Variants in ANO4 observed in about 807,000 individuals in gnomAD.
ANO4 encodes anoctamin-4.
Under a neutral mutation model 141.9 loss-of-function variants are expected in ANO4, and 69 were observed. The ratio of observed to expected loss-of-function variants is 0.49; its 90% CI spans 0.40 to 0.59. The LOEUF (loss-of-function observed/expected upper bound fraction) is 0.59. Among genes scored for constraint, ANO4 ranks in the 20% least tolerant of loss-of-function variants. ANO4 has a pLI of 0.00. For synonymous variants in ANO4, 350 were observed against 394.3 expected (o/e 0.89, Z 1.33); for missense variants, 894 against 1,162.2 (o/e 0.77, Z 3.36).
Position 100,974,775 on chromosome 12 carries a change from C to G in ANO4, c.558-70C>G, listed in dbSNP as rs761017640. 2.0e-6 allele frequency: 3 copies of G among 1,522,854 alleles called. No homozygotes were observed. In the South Asian group the frequency reaches 3.4e-5, roughly 17 times the overall value. 94.3% of individuals were successfully genotyped at this position (1,522,854 alleles called of 1,614,324 possible). ...TTCTATCTTCAATCTCCTTTCCTTCCTTGCTAGTTCAAACTGTAACTGACG... is the reference window on the plus strand; with the variant it reads ...TTCTATCTTCAATCTCCTTTCCTTCGTTGCTAGTTCAAACTGTAACTGACG... On this transcript the variant is annotated intron_variant, in intron 6 of 27. Coordinates refer to ENST00000392977, the MANE Select transcript of ANO4 (RefSeq NM_001286615.2).
chr12:100,792,095 A>G (rs1162169347), upstream of ANO4, among the ~76,000 whole-genome samples: 3 of 147,062 alleles, frequency 2.0e-5, no homozygotes, highest in Non-Finnish European at 4.5e-5. Context: ...GAAAATAGTC[A>G]TATTTTCACT....
At chr12:101,071,086 C>A (rs1322853858) in intron 14 of ANO4, among the ~76,000 whole-genome samples, 1 of 152,136 alleles carries the variant, frequency 6.6e-6, no homozygotes, top group Non-Finnish European at 1.5e-5. Context: ...TAAATTAGTA[C>A]AACCACTATG....
chr12:101,028,258 A>G (rs988929978), intron 9 of ANO4, among the ~76,000 whole-genome samples: 3 of 152,202 alleles, frequency 2.0e-5, no homozygotes, highest in African/African-American at 7.2e-5. Flanking sequence ...ACCCAAAAGG[A>G]CAGAGTTTCT....
intron 1 of ANO4, among the ~76,000 whole-genome samples, chr12:100,796,245 A>G (rs1038194171): frequency 5.3e-5 from 8 of 152,148 alleles, no homozygotes; most frequent in Non-Finnish European, 1.2e-4. Context: ...TCTGATTCAT[A>G]AGGTACTGAA....
chr12:100,747,055 G>A (rs1007096670), intron 3 of ANO4, among the ~76,000 whole-genome samples: 11 of 152,056 alleles, frequency 7.2e-5, no homozygotes, highest in African/African-American at 2.7e-4. Flanking sequence ...AGCATCCCTG[G>A]CCTGCACCCA....
At chr12:101,077,286 T>C (rs986591812) in intron 14 of ANO4, among the ~76,000 whole-genome samples, 2 of 152,182 alleles carry the variant, frequency 1.3e-5, no homozygotes, top group African/African-American at 4.8e-5. Flanking sequence ...CTTGGAAGCT[T>C]GTCCTGTTTC....
chr12:100,795,754 T>G (rs1366313977), intron 1 of ANO4, among the ~76,000 whole-genome samples: 1 of 152,220 alleles, frequency 6.6e-6, no homozygotes, highest in Non-Finnish European at 1.5e-5. Context: ...AGTTTTGTCC[T>G]CCTGCTAGGA....
At chr12:100,870,380 A>T (rs2038972406) in intron 1 of ANO4, among the ~76,000 whole-genome samples, 1 of 152,194 alleles carries the variant, frequency 6.6e-6, no homozygotes, top group Non-Finnish European at 1.5e-5. Context: ...TCTACAGCTG[A>T]TGGAATTCAG....
chr12:100,991,881 C>T (rs2045129467), intron 8 of ANO4, among the ~76,000 whole-genome samples: 1 of 152,130 alleles, frequency 6.6e-6, no homozygotes, highest in Non-Finnish European at 1.5e-5. Context: ...ACTGCACACT[C>T]ATCTCAAACC....
chr12:100,821,654 G>A (rs2036059720), intron 1 of ANO4, among the ~76,000 whole-genome samples: 2 of 151,846 alleles, frequency 1.3e-5, no homozygotes, highest in African/African-American at 4.8e-5. Context: ...AGTGTTACGT[G>A]TCAGGATATA....
At chr12:101,054,435 T>G (rs1024706865) in intron 14 of ANO4, among the ~76,000 whole-genome samples, 2 of 152,188 alleles carry the variant, frequency 1.3e-5, no homozygotes, top group Non-Finnish European at 2.9e-5. Flanking sequence ...AAGTGAACAA[T>G]TCAACAAATT....
intron 8 of ANO4, among the ~76,000 whole-genome samples, chr12:100,995,964 G>A (rs1341226760): frequency 6.6e-6 from 1 of 152,212 alleles, no homozygotes; most frequent in Non-Finnish European, 1.5e-5. Context: ...AAAAACTGTA[G>A]AATATTTAGA....
chr12:100,773,113 C>A (rs1014819285), intron 3 of ANO4, among the ~76,000 whole-genome samples: 1 of 152,168 alleles, frequency 6.6e-6, no homozygotes, highest in Non-Finnish European at 1.5e-5. Flanking sequence ...ATCAAGGTAC[C>A]AGCAGATTAA....
chr12:100,955,792 G>A (rs1009445183), intron 5 of ANO4, among the ~76,000 whole-genome samples: 1 of 152,182 alleles, frequency 6.6e-6, no homozygotes, highest in African/African-American at 2.4e-5. Flanking sequence ...GGGACTTAAA[G>A]GATGATTAGA....
chr12:100,916,980 T>TA (rs34313478), intron 2 of ANO4, among the ~76,000 whole-genome samples: 16,277 of 136,880 alleles, frequency 0.12, 1,345 homozygotes, highest in African/African-American at 0.24. Flanking sequence ...GTGACTGTCT[T>TA]AAAAAAAAAA....
intron 3 of ANO4, among the ~76,000 whole-genome samples, chr12:100,742,994 TATCCATCC>T (rs1744974267): frequency 6.6e-6 from 1 of 151,938 alleles, no homozygotes; most frequent in Non-Finnish European, 1.5e-5. Flanking sequence ...TCCATCCATC[TATCCATCC>T]ATCCACTCAC....
chr12:101,122,588 A>G (rs770461572), intron 26 of ANO4, among the ~76,000 whole-genome samples: 23 of 152,156 alleles, frequency 1.5e-4, no homozygotes, highest in Middle Eastern at 3.2e-3. Context: ...GTCCAGTTTC[A>G]TTCTTCTGCA....
intron 8 of ANO4, among the ~76,000 whole-genome samples, chr12:100,995,029 G>A (rs1203459509): frequency 3.3e-5 from 5 of 151,864 alleles, no homozygotes; most frequent in African/African-American, 1.2e-4. Flanking sequence ...AGCCTCAAAA[G>A]TCACTATTAG....
intron 3 of ANO4, among the ~76,000 whole-genome samples, chr12:100,933,129 T>A (rs1272625608): frequency 3.9e-5 from 6 of 152,032 alleles, no homozygotes; most frequent in Non-Finnish European, 5.9e-5. Flanking sequence ...TGCATTTTTT[T>A]AAAATTATAT....
Sources: gnomAD v4.1 joint callset for allele counts (sites outside exome capture counted in the v4.1 genomes callset) on GRCh38, gnomAD v4.1.1 for gene constraint, MANE v1.5 for transcripts, NCBI Gene and HGNC (gene_info 2026-07-23, HGNC 2026-07-21) for gene names.